Variants in SLC22A25 observed in about 807,000 individuals in gnomAD.
SLC22A25 encodes the protein solute carrier family 22 member 25.
Under a neutral mutation model 45.9 loss-of-function variants are expected in SLC22A25, and 44 were observed. The observed-to-expected ratio is 0.96, with a 90% confidence interval of 0.75 to 1.23. SLC22A25 has a LOEUF of 1.23. Among genes scored for constraint, SLC22A25 ranks in the 50% most tolerant of loss-of-function variants. SLC22A25 has a pLI of 0.00. For synonymous variants in SLC22A25, 283 were observed against 238.6 expected, an observed-to-expected ratio of 1.19 and a Z score of -1.72; for missense variants, 800 against 666.4, an observed-to-expected ratio of 1.20 and a Z score of -2.21.
chr11:63,215,752 C>T (rs2089693130), intron 7 of SLC22A25, among the ~76,000 whole-genome samples: 1 of 152,064 alleles, frequency 6.6e-6, no homozygotes. Flanking sequence ...GTTATCTTTT[C>T]TGCTTCTCTC....
At chr11:63,191,287 G>T (rs750335473) in intron 7 of SLC22A25, among the ~76,000 whole-genome samples, 2 of 152,194 alleles carry the variant, frequency 1.3e-5, no homozygotes, top group Non-Finnish European at 2.9e-5. Context: ...CTTGCAGTTT[G>T]ATCTCAGACT....
intron 7 of SLC22A25, among the ~76,000 whole-genome samples, chr11:63,190,518 G>T (rs2088766239): frequency 6.6e-6 from 1 of 152,002 alleles, no homozygotes; most frequent in African/African-American, 2.4e-5. Flanking sequence ...GGAGTAGTTT[G>T]ATCATCTGAA....
intron 9 of SLC22A25, among the ~76,000 whole-genome samples, chr11:63,172,466 A>G (rs1443428898): frequency 6.6e-6 from 1 of 152,158 alleles, no homozygotes; most frequent in Non-Finnish European, 1.5e-5. Flanking sequence ...CCCATCAAAA[A>G]GTGGGCAAAT....
chr11:63,194,634 G>A (rs562520826), intron 7 of SLC22A25, among the ~76,000 whole-genome samples: 112 of 152,028 alleles, frequency 7.4e-4, no homozygotes, highest in Non-Finnish European at 1.4e-3. Context: ...GACCATCGAT[G>A]CTAGGAAGAA....
At chr11:63,185,893 A>T (rs1222466497) in intron 7 of SLC22A25, among the ~76,000 whole-genome samples, 1 of 149,856 alleles carries the variant, frequency 6.7e-6, no homozygotes, top group Non-Finnish European at 1.5e-5. Flanking sequence ...TTATGGCTGC[A>T]TAGTATTCCA....
Position 63,187,480 on chromosome 11 carries a change from G to C in SLC22A25, c.831-3663C>G, listed in dbSNP as rs558430549. Among the ~76,000 whole-genome samples, 38 of 152,280 alleles carry C rather than the reference G, an allele frequency of 2.5e-4. No individual in the cohort carries two copies. The South Asian group carries it at 7.9e-3, about 32-fold the overall frequency. Reference sequence around the variant, plus strand: ...TGGGGTTTTCTAGATATACAATCATGTCATCTGCAAAGAGGGACAATTTGA... The same window carrying C: ...TGGGGTTTTCTAGATATACAATCATCTCATCTGCAAAGAGGGACAATTTGA... On this transcript the variant is annotated intron_variant, in intron 7 of 11. Coordinates refer to ENST00000306494, the MANE Select transcript of SLC22A25 (RefSeq NM_199352.6).
At chr11:63,194,360 G>T (rs887057578) in intron 7 of SLC22A25, among the ~76,000 whole-genome samples, 1 of 152,120 alleles carries the variant, frequency 6.6e-6, no homozygotes, top group African/African-American at 2.4e-5. Flanking sequence ...GACACATATT[G>T]TTATATTCAC....
At chr11:63,209,632 A>G (rs1296542122) in intron 7 of SLC22A25, among the ~76,000 whole-genome samples, 1 of 152,164 alleles carries the variant, frequency 6.6e-6, no homozygotes, top group Non-Finnish European at 1.5e-5. Context: ...CAAGTTTATG[A>G]TGACCAGGGG....
chr11:63,228,037 G>C (rs1408042103), intron 5 of SLC22A25, among the ~76,000 whole-genome samples: 1 of 152,256 alleles, frequency 6.6e-6, no homozygotes, highest in Non-Finnish European at 1.5e-5. Context: ...ATTCAAGACT[G>C]TCTTTCCTAC....
intron 7 of SLC22A25, among the ~76,000 whole-genome samples, chr11:63,214,888 T>A (rs2089671304): frequency 1.3e-5 from 2 of 152,040 alleles, no homozygotes; most frequent in Non-Finnish European, 2.9e-5. Flanking sequence ...CCCACAACAA[T>A]CTCACATCAG....
chr11:63,166,409 A>G (rs2087686899), intron 9 of SLC22A25, 151 bp from the exon 10 acceptor site: 3 of 1,443,760 alleles, frequency 2.1e-6, no homozygotes, highest in Non-Finnish European at 2.7e-6. Flanking sequence ...TTGATATTTT[A>G]AAGTTATCAT....
rs1397431112 is a variant in SLC22A25, at chr11:63,168,258, TCTC to T, written c.1071-2003_1071-2001del. On this transcript the variant is annotated intron_variant, in intron 9 of 11. Coordinates refer to ENST00000306494, the MANE Select transcript of SLC22A25 (RefSeq NM_199352.6). ...AAATTCCAAAAAACCGAATGCGTCT[TCTC>T]CTCCAAATGATGACATTTCTCTCCA... 2.6e-5 allele frequency among the ~76,000 whole-genome samples: 4 copies of T among 152,216 alleles called. No homozygotes were observed. The South Asian group carries it at 6.2e-4, about 24-fold the overall frequency.
chr11:63,185,616 A>T (rs1365524820), intron 7 of SLC22A25, among the ~76,000 whole-genome samples: 2 of 149,368 alleles, frequency 1.3e-5, no homozygotes, highest in Non-Finnish European at 3.0e-5. Context: ...ATATGTATAC[A>T]TGTGCCATGC....
intron 7 of SLC22A25, among the ~76,000 whole-genome samples, chr11:63,188,419 A>C (rs539465563): frequency 6.6e-6 from 1 of 152,100 alleles, no homozygotes; most frequent in African/African-American, 2.4e-5. Flanking sequence ...TATTGCGTCT[A>C]TTTGATTCTT....
chr11:63,185,661 T>G (rs1175331590), intron 7 of SLC22A25, among the ~76,000 whole-genome samples: 1 of 146,900 alleles, frequency 6.8e-6, no homozygotes, highest in Admixed American at 6.8e-5. Flanking sequence ...TCATCTAGCA[T>G]TAGGTATATC....
chr11:63,243,416 C>T lies in SLC22A25; in HGVS notation c.-996+18G>A. The T allele has an allele frequency of 1.4e-6, 1 of 728,898 alleles. No individual in the cohort carries two copies. Among genetic ancestry groups the T allele is most frequent in the South Asian group, 1.4e-5 (1 of 70,392 alleles). 45.2% of individuals were successfully genotyped at this position (728,898 alleles called of 1,614,324 possible). A position where few individuals can be genotyped will look rare whatever the true frequency, so the allele number is the denominator to read the frequency against. ...ACAGAAGTGTGAAGAAAAGGTTTTCCCTCTGGCCACGATTTACCTGGACTG... is the reference window on the plus strand; with the variant it reads ...ACAGAAGTGTGAAGAAAAGGTTTTCTCTCTGGCCACGATTTACCTGGACTG... On this transcript the variant is annotated intron_variant, in intron 1 of 11. Coordinates refer to ENST00000306494, the MANE Select transcript of SLC22A25 (RefSeq NM_199352.6).
intron 7 of SLC22A25, among the ~76,000 whole-genome samples, chr11:63,186,958 G>T (rs997329589): frequency 5.3e-5 from 8 of 152,084 alleles, no homozygotes; most frequent in Non-Finnish European, 7.4e-5. Context: ...CCTTGTAGTA[G>T]AGTTTGAAGT....
Position 63,229,716 on chromosome 11 carries a change from A to G in SLC22A25, c.-64T>C. On this transcript the variant is annotated 5_prime_UTR_variant, in exon 4 of 12. Transcript: ENST00000306494. ...ACTGTATCCAGATAAGTTCAAAGAG[A>G]AAATATTTCCTTTCCTTAAATCACA... 1 of 1,499,838 alleles carries G rather than the reference A, an allele frequency of 6.7e-7. No individual in the cohort carries two copies. Among genetic ancestry groups the G allele is most frequent in the Non-Finnish European group, 9.0e-7 (1 of 1,107,698 alleles). The allele number at this position is 1,499,838 out of a possible 1,614,324, so 92.9% of individuals were successfully genotyped here. A position where few individuals can be genotyped will look rare whatever the true frequency, so the allele number is the denominator to read the frequency against.
At chr11:63,237,823 A>G (rs1426653832) in intron 3 of SLC22A25, 58 bp downstream of exon 3, 2 of 152,132 alleles carry the variant, frequency 1.3e-5, no homozygotes, top group African/African-American at 4.8e-5. Context: ...GGACAGTGTG[A>G]TTTGCAATAA....
Sources: gnomAD v4.1 joint callset for allele counts (sites outside exome capture counted in the v4.1 genomes callset) on GRCh38, gnomAD v4.1.1 for gene constraint, MANE v1.5 for transcripts, NCBI Gene and HGNC (gene_info 2026-07-23, HGNC 2026-07-21) for gene names.